Variants in DNTTIP1 observed in about 807,000 individuals in gnomAD.
DNTTIP1 encodes deoxynucleotidyltransferase terminal interacting protein 1.
Under a neutral mutation model 52.9 loss-of-function variants are expected in DNTTIP1, and 22 were observed. The ratio of observed to expected loss-of-function variants is 0.42; its 90% CI spans 0.30 to 0.59. DNTTIP1 has a LOEUF of 0.59. DNTTIP1 is among the 20% of genes least tolerant of loss of function. The probability of loss-of-function intolerance (pLI) is 0.22; values close to 1 mark genes in which losing one functional copy is unlikely to be tolerated. For missense variants in DNTTIP1, 286 were observed against 435.5 expected, an observed-to-expected ratio of 0.66 and a Z score of 3.06; for synonymous variants, 136 against 155.1, an observed-to-expected ratio of 0.88 and a Z score of 0.92.
chr20:45,795,113 T>C (rs1981193074), intron 3 of DNTTIP1, among the ~76,000 whole-genome samples: 1 of 152,050 alleles, frequency 6.6e-6, no homozygotes. Flanking sequence ...TTTTGCACTA[T>C]TTACACCTCA....
intron 4 of DNTTIP1, among the ~76,000 whole-genome samples, chr20:45,798,937 T>G (rs578002236): frequency 6.6e-6 from 1 of 152,334 alleles, no homozygotes; most frequent in South Asian, 2.1e-4. Context: ...ACAGCCTACT[T>G]AAGCAGACAG....
intron 6 of DNTTIP1, 79 bp from the exon 7 acceptor site, chr20:45,801,920 C>A (rs1195988071): frequency 1.1e-5 from 15 of 1,374,568 alleles, no homozygotes; most frequent in Non-Finnish European, 1.6e-5. Context: ...ACCATCTCTG[C>A]CAAGTGACCC....
chr20:45,808,899 G>GTATACTAA, intron 10 of DNTTIP1, among the ~76,000 whole-genome samples: 1 of 152,264 alleles, frequency 6.6e-6, no homozygotes, highest in South Asian at 2.1e-4. Flanking sequence ...GGTGGGGATT[G>GTATACTAA]GGAGTATACT....
intron 10 of DNTTIP1, among the ~76,000 whole-genome samples, chr20:45,808,080 C>T (rs975023274): frequency 1.3e-5 from 2 of 151,994 alleles, no homozygotes; most frequent in African/African-American, 2.4e-5. Flanking sequence ...AGCACAGTAG[C>T]TCATACCTGT....
chr20:45,793,193 A>G (rs1981095286), intron 2 of DNTTIP1, among the ~76,000 whole-genome samples: 2 of 152,252 alleles, frequency 1.3e-5, no homozygotes, highest in Admixed American at 6.5e-5. Flanking sequence ...TGGGATGCTG[A>G]TAGTGGTGAA....
intron 4 of DNTTIP1, among the ~76,000 whole-genome samples, chr20:45,795,805 A>C (rs1475507863): frequency 1.3e-5 from 2 of 152,172 alleles, no homozygotes; most frequent in African/African-American, 4.8e-5. Flanking sequence ...TCTCAAAAAC[A>C]AACAAAAAAA....
intron 8 of DNTTIP1, among the ~76,000 whole-genome samples, chr20:45,804,514 CCT>C (rs1981572433): frequency 6.6e-6 from 1 of 152,156 alleles, no homozygotes; most frequent in African/African-American, 2.4e-5. Context: ...ACTCTCACTC[CCT>C]GTTTAGAGGC....
At position 45,802,016 on chromosome 20, in the gene DNTTIP1, T is replaced by C. The variant is rs1465122438; in HGVS notation, c.516T>C (p.Pro172=). The C allele has an allele frequency of 1.2e-6, 2 of 1,614,172 alleles. No homozygotes were observed. Among genetic ancestry groups the C allele is most frequent in the Non-Finnish European group, 1.7e-6 (2 of 1,180,024 alleles). Residue 172 remains proline, a synonymous_variant, in exon 7 of 13, where the codon CCT becomes CCC. Coordinates refer to ENST00000372622, the MANE Select transcript of DNTTIP1 (RefSeq NM_052951.3). ...TGTGGCAGAGGAAAGGACGGCCTCC[T>C]GGACACATCCTGTCAAGCGACCGGG... ...PLPKKRKGRP[P]GHILSSDRAA...
intron 10 of DNTTIP1, among the ~76,000 whole-genome samples, chr20:45,808,336 G>A (rs960149093): frequency 5.3e-5 from 8 of 151,442 alleles, no homozygotes; most frequent in African/African-American, 1.9e-4. Context: ...AGAGCGAGAC[G>A]TCATCTCAAT....
chr20:45,803,334 T>G lies in DNTTIP1; in HGVS notation c.559T>G (p.Trp187Gly), dbSNP rs751100599. Residue 187 changes from tryptophan (W) to glycine (G), a missense_variant and splice_region_variant, in exon 8 of 13, where the codon TGG (tryptophan) becomes GGG (glycine). Coordinates refer to ENST00000372622, the MANE Select transcript of DNTTIP1 (RefSeq NM_052951.3). ...SSDRAAAGMV[W>G]KPKSCEPIRR... ...CCTTTATTCTTTCCTTCCAAGCAGATGGAAACCAAAATCCTGTGAACCAAT... is the reference window on the plus strand; with the variant it reads ...CCTTTATTCTTTCCTTCCAAGCAGAGGGAAACCAAAATCCTGTGAACCAAT... 5.6e-6 allele frequency: 9 copies of G among 1,614,042 alleles called. No homozygotes were observed. The South Asian group carries it at 7.7e-5, about 14-fold the overall frequency.
chr20:45,803,810 C>G (rs1305584199), intron 8 of DNTTIP1, among the ~76,000 whole-genome samples: 1 of 152,192 alleles, frequency 6.6e-6, no homozygotes, highest in East Asian at 1.9e-4. Flanking sequence ...TTGTCTTATA[C>G]ACTTAATGCA....
intron 4 of DNTTIP1, among the ~76,000 whole-genome samples, chr20:45,800,177 T>C (rs1601027765): frequency 6.6e-6 from 1 of 151,804 alleles, no homozygotes; most frequent in East Asian, 1.9e-4. Flanking sequence ...GTTATACTAA[T>C]GTATTTAGTT....
chr20:45,810,040 T>C (rs202025941), intron 11 of DNTTIP1, among the ~76,000 whole-genome samples: 2 of 151,872 alleles, frequency 1.3e-5, no homozygotes, highest in East Asian at 3.9e-4. Flanking sequence ...AAAAAAAGTG[T>C]TTTTTATATT....
chr20:45,803,424 T>C (rs372929002), intron 8 of DNTTIP1, 46 bp downstream of exon 8: 2 of 1,608,374 alleles, frequency 1.2e-6, no homozygotes, highest in African/African-American at 1.3e-5. Context: ...CAGGAGATAG[T>C]CCCACTATCT....
intron 2 of DNTTIP1, 124 bp from the exon 3 acceptor site, chr20:45,793,797 A>G: frequency 2.0e-6 from 1 of 503,456 alleles, no homozygotes; most frequent in Non-Finnish European, 3.6e-6. Flanking sequence ...CTGAGCATGT[A>G]GCTAGTTTTC....
chr20:45,795,301 A>G (rs1981200447), intron 3 of DNTTIP1, 44 bp from the exon 4 acceptor site: 1 of 1,171,600 alleles, frequency 8.5e-7, no homozygotes, highest in Non-Finnish European at 1.2e-6. Flanking sequence ...AGGTTGATGC[A>G]CATTAACAGG....
intron 7 of DNTTIP1, 153 bp from the exon 8 acceptor site, chr20:45,803,180 T>A (rs55794417): frequency 1.5e-6 from 1 of 688,388 alleles, no homozygotes; most frequent in African/African-American, 1.8e-5. Flanking sequence ...GTGCTTTTTT[T>A]CCCTTTGTTC....
intron 7 of DNTTIP1, 140 bp downstream of exon 7, chr20:45,802,197 T>C: frequency 1.1e-6 from 1 of 923,664 alleles, no homozygotes; most frequent in Middle Eastern, 3.2e-4. Flanking sequence ...GTTATCCTGG[T>C]TGGAGGGGTG....
chr20:45,807,593 A>G (rs144417816), intron 10 of DNTTIP1, among the ~76,000 whole-genome samples: 1 of 152,338 alleles, frequency 6.6e-6, no homozygotes, highest in African/African-American at 2.4e-5. Context: ...GAAATAATAT[A>G]TAAACCCATT....
Sources: allele counts gnomAD v4.1 joint callset (sites outside exome capture counted in the v4.1 genomes callset), GRCh38; gene constraint gnomAD v4.1.1; transcripts MANE v1.5; gene names NCBI Gene and HGNC (gene_info 2026-07-23, HGNC 2026-07-21).